Variants in PKHD1 observed in about 807,000 individuals in gnomAD.
The protein encoded by PKHD1 is PKHD1 ciliary IPT domain containing fibrocystin/polyductin, also known as fibrocystin.
PKHD1 carries 291 observed loss-of-function variants against 412.0 expected under a neutral mutation model. The observed-to-expected ratio is 0.71, with a 90% CI of 0.64 to 0.78. The LOEUF (loss-of-function observed/expected upper bound fraction) is 0.78, where lower values mean the gene tolerates loss of function less well. Ranked by LOEUF, PKHD1 falls within the 30% of genes least tolerant of loss-of-function variation. PKHD1 has a pLI of 0.00. For missense variants in PKHD1, 4,825 were observed against 4,950.7 expected, an observed-to-expected ratio of 0.97 and a Z score of 0.76; for synonymous variants, 1,777 against 1,821.5, an observed-to-expected ratio of 0.98 and a Z score of 0.62.
At chr6:51,643,730 C>G (rs1471819580) in intron 63 of PKHD1, among the ~76,000 whole-genome samples, 1 of 152,018 alleles carries the variant, frequency 6.6e-6, no homozygotes, top group Non-Finnish European at 1.5e-5. Flanking sequence ...ACAGAACATG[C>G]AGGTTTGTTA....
chr6:51,729,462 C>T (rs1782985942), intron 60 of PKHD1, among the ~76,000 whole-genome samples: 3 of 152,044 alleles, frequency 2.0e-5, no homozygotes, highest in Admixed American at 2.0e-4. Flanking sequence ...TAGTTTTTCC[C>T]TCTGAGTAGT....
At chr6:52,060,438 A>G (rs1038902381) in intron 14 of PKHD1, among the ~76,000 whole-genome samples, 1 of 152,216 alleles carries the variant, frequency 6.6e-6, no homozygotes, top group Non-Finnish European at 1.5e-5. Flanking sequence ...ATTTGCTCTG[A>G]GCTTACCAGC....
intron 60 of PKHD1, among the ~76,000 whole-genome samples, chr6:51,692,261 TCACACACA>T (rs3061680): frequency 4.7e-5 from 7 of 147,430 alleles, no homozygotes; most frequent in Admixed American, 6.8e-5. Context: ...ATCACATAAT[TCACACACA>T]CACACACACA....
At chr6:52,084,252 G>A (rs1812433770) in intron 2 of PKHD1, among the ~76,000 whole-genome samples, 1 of 152,234 alleles carries the variant, frequency 6.6e-6, no homozygotes, top group African/African-American at 2.4e-5. Flanking sequence ...TTCTCATGAT[G>A]CACTTCACAT....
chr6:51,962,980 G>A (rs1792296067), intron 35 of PKHD1, among the ~76,000 whole-genome samples: 1 of 152,048 alleles, frequency 6.6e-6, no homozygotes, highest in African/African-American at 2.4e-5. Context: ...CTAGCACATA[G>A]TAGTTGCTCA....
intron 61 of PKHD1, among the ~76,000 whole-genome samples, chr6:51,653,419 T>C (rs1183423673): frequency 2.0e-5 from 3 of 152,086 alleles, no homozygotes; most frequent in Non-Finnish European, 4.4e-5. Flanking sequence ...ACCCAGTACA[T>C]GTTGTTATAG....
intron 48 of PKHD1, among the ~76,000 whole-genome samples, chr6:51,866,270 C>T (rs1355155419): frequency 2.0e-5 from 3 of 152,056 alleles, no homozygotes; most frequent in African/African-American, 7.2e-5. Context: ...GTAGAGTGAC[C>T]AATCAGCCTA....
At chr6:51,825,373 C>G (rs1767132587) in intron 52 of PKHD1, among the ~76,000 whole-genome samples, 1 of 152,144 alleles carries the variant, frequency 6.6e-6, no homozygotes, top group South Asian at 2.1e-4. Flanking sequence ...CCACACAGGT[C>G]TCTTGGACCA....
intron 60 of PKHD1, among the ~76,000 whole-genome samples, chr6:51,673,751 G>A (rs1775391551): frequency 6.6e-6 from 1 of 152,144 alleles, no homozygotes; most frequent in Admixed American, 6.5e-5. Flanking sequence ...CATGGGAGCA[G>A]CATGGAAACA....
chr6:51,950,220 A>AAAATATATATATATATATATATAT, intron 36 of PKHD1, among the ~76,000 whole-genome samples: 37 of 98,282 alleles, frequency 3.8e-4, no homozygotes, highest in Non-Finnish European at 6.1e-4. Context: ...GAAAAAAAAA[A>AAAATATATATATATATATATATAT]ATATATATAT....
chr6:51,785,194 A>T (rs1465679678), intron 53 of PKHD1, among the ~76,000 whole-genome samples: 2 of 152,172 alleles, frequency 1.3e-5, no homozygotes, highest in East Asian at 3.9e-4. Context: ...TCTACAAAGG[A>T]AACTTTGGAA....
intron 43 of PKHD1, among the ~76,000 whole-genome samples, chr6:51,890,054 C>T (rs1481190404): frequency 6.6e-6 from 1 of 151,716 alleles, no homozygotes; most frequent in East Asian, 1.9e-4. Context: ...TAATAACACT[C>T]ATAGTGAAAA....
intron 35 of PKHD1, 22 bp downstream of exon 35, chr6:52,010,287 T>C (rs770714294): frequency 6.2e-7 from 1 of 1,607,344 alleles, no homozygotes; most frequent in East Asian, 2.2e-5. Flanking sequence ...TGAATCAGTC[T>C]GTAAAAAAGA....
chr6:51,885,365 A>G (rs1235272979), intron 45 of PKHD1, among the ~76,000 whole-genome samples: 2 of 152,202 alleles, frequency 1.3e-5, no homozygotes, highest in Non-Finnish European at 2.9e-5. Context: ...ATGTTTGTGT[A>G]TCAATGACGA....
rs746561147 is a variant in PKHD1, at chr6:52,056,927, G to C, written c.1565C>G (p.Ser522Cys). ...GNFFLTWDNV[S>C]SQPIPANATA... Reference sequence around the variant, plus strand: ...GGCATTTGCAGGGATTGGCTGACTAGAGACATTGTCCCAAGTAAGGAAGAA... The same window carrying C: ...GGCATTTGCAGGGATTGGCTGACTACAGACATTGTCCCAAGTAAGGAAGAA... The change falls in exon 17 of 67, where the codon TCT becomes TGT. Residue 522 changes from serine to cysteine, a missense_variant. Physicochemically the swap from Ser to Cys is moderately radical, Grantham distance 112 (BLOSUM62 -1). Coordinates refer to ENST00000371117, the MANE Select transcript of PKHD1 (RefSeq NM_138694.4). 3 of 1,613,976 alleles carry C rather than the reference G, an allele frequency of 1.9e-6. No individual in the cohort carries two copies. Among genetic ancestry groups the C allele is most frequent in the Non-Finnish European group, 2.5e-6 (3 of 1,179,896 alleles).
rs1454531112 is a variant in PKHD1, at chr6:51,626,067, C to A, written c.11785+930G>T. On this transcript the variant is annotated intron_variant, in intron 66 of 66. Transcript: ENST00000371117. The stretch of plus-strand genomic sequence containing the variant: ...TTTATTTCTTTCATGGAAAAATATA[C>A]AAACAAGCAAACAAACTGATACACA... Among the ~76,000 whole-genome samples the A allele has an allele frequency of 2.6e-5, 4 of 151,992 alleles. No homozygotes were observed. The East Asian group carries it at 7.7e-4, about 29-fold the overall frequency.
At chr6:52,063,538 A>G (rs1809002862) in intron 13 of PKHD1, among the ~76,000 whole-genome samples, 1 of 152,258 alleles carries the variant, frequency 6.6e-6, no homozygotes, top group Non-Finnish European at 1.5e-5. Flanking sequence ...AGAGGTGGAT[A>G]AGGAATAAAC....
At chr6:51,900,687 A>C (rs527741430) in intron 43 of PKHD1, among the ~76,000 whole-genome samples, 32 of 151,794 alleles carry the variant, frequency 2.1e-4, no homozygotes, top group Admixed American at 3.3e-4. Context: ...TAATTAAACT[A>C]AAGAGCTTCT....
intron 47 of PKHD1, among the ~76,000 whole-genome samples, chr6:51,869,262 C>T (rs1034988321): frequency 1.3e-5 from 2 of 152,066 alleles, no homozygotes; most frequent in Non-Finnish European, 2.9e-5. Flanking sequence ...GTATACTGTT[C>T]CTAGAAATTC....
Sources: allele counts gnomAD v4.1 joint callset (sites outside exome capture counted in the v4.1 genomes callset), GRCh38; gene constraint gnomAD v4.1.1; transcripts MANE v1.5; gene names NCBI Gene and HGNC (gene_info 2026-07-23, HGNC 2026-07-21).